Variants in DOCK5 observed in about 807,000 individuals in gnomAD.
DOCK5 encodes dedicator of cytokinesis protein 5.
Under a neutral mutation model 251.8 loss-of-function variants are expected in DOCK5, and 142 were observed. That is an observed-to-expected ratio of 0.56 (90% CI 0.49 to 0.65). DOCK5 has a LOEUF of 0.65. DOCK5 is among the 30% of genes least tolerant of loss of function. DOCK5 has a pLI of 0.00. For synonymous variants in DOCK5, 842 were observed against 835.5 expected (o/e 1.01, Z -0.13); for missense variants, 2,111 against 2,312.3 (o/e 0.91, Z 1.79).
chr8:25,408,727 C>T, intron 49 of DOCK5, 75 bp from the exon 50 acceptor site: 2 of 1,558,046 alleles, frequency 1.3e-6, no homozygotes, highest in Non-Finnish European at 1.8e-6. Flanking sequence ...TCTCAGAAGA[C>T]AAGGCTGTTG....
intron 51 of DOCK5, among the ~76,000 whole-genome samples, chr8:25,410,688 C>T (rs1415351644): frequency 8.1e-6 from 1 of 123,074 alleles, no homozygotes; most frequent in Non-Finnish European, 1.7e-5. Context: ...TCTCAAACTC[C>T]TGGCCTCAAG....
At chr8:25,242,905 T>C (rs538028244) in intron 1 of DOCK5, among the ~76,000 whole-genome samples, 91 of 152,332 alleles carry the variant, frequency 6.0e-4, no homozygotes, top group African/African-American at 1.2e-3. Context: ...TACTGTGCCA[T>C]GGAAGCCAGG....
At chr8:25,266,962 G>C (rs1054257833) in intron 2 of DOCK5, among the ~76,000 whole-genome samples, 1 of 152,168 alleles carries the variant, frequency 6.6e-6, no homozygotes, top group Non-Finnish European at 1.5e-5. Flanking sequence ...AATGAAGTTT[G>C]TATTGTGACA....
At position 25,299,113 on chromosome 8, in the gene DOCK5, C is replaced by T. The variant is rs374670678; in HGVS notation, c.764+12C>T. The T allele has an allele frequency of 2.5e-6, 4 of 1,611,812 alleles. No homozygotes were observed. The highest frequency in any genetic ancestry group is 3.4e-6 in the Non-Finnish European group (4 of 1,178,876). On this transcript the variant is annotated intron_variant, in intron 8 of 51. Coordinates refer to ENST00000276440, the MANE Select transcript of DOCK5 (RefSeq NM_024940.8). The stretch of plus-strand genomic sequence containing the variant: ...TCCACTTTTATCAGGTAGCAGAGAC[C>T]CACATCCCCTGCTGCTGACCTAACA...
intron 2 of DOCK5, among the ~76,000 whole-genome samples, chr8:25,247,064 T>A (rs1052018032): frequency 1.3e-5 from 2 of 151,966 alleles, no homozygotes; most frequent in Non-Finnish European, 2.9e-5. Context: ...TTTATTTATT[T>A]ATTTTAATGG....
chr8:25,378,305 G>C (rs1801000036), intron 38 of DOCK5, among the ~76,000 whole-genome samples: 1 of 152,110 alleles, frequency 6.6e-6, no homozygotes, highest in South Asian at 2.1e-4. Flanking sequence ...TATTATTTGA[G>C]AAATTCTAAG....
At chr8:25,344,569 G>C (rs1378085522) in intron 25 of DOCK5, among the ~76,000 whole-genome samples, 4 of 152,164 alleles carry the variant, frequency 2.6e-5, no homozygotes, top group African/African-American at 4.8e-5. Context: ...GTGGAAGGAA[G>C]GACTTGAGCT....
At chr8:25,242,995 A>T (rs886318036) in intron 1 of DOCK5, among the ~76,000 whole-genome samples, 1 of 152,224 alleles carries the variant, frequency 6.6e-6, no homozygotes, top group Non-Finnish European at 1.5e-5. Context: ...AAGGGCACTG[A>T]CTAACAAAAT....
intron 10 of DOCK5, 38 bp downstream of exon 10, chr8:25,302,492 A>G (rs1005969904): frequency 1.4e-6 from 2 of 1,479,006 alleles, no homozygotes; most frequent in Admixed American, 2.6e-5. Context: ...GAAATAGTGC[A>G]GTGCTGTGGA....
chr8:25,187,834 C>T (rs1237759161), intron 1 of DOCK5, among the ~76,000 whole-genome samples: 1 of 152,124 alleles, frequency 6.6e-6, no homozygotes, highest in African/African-American at 2.4e-5. Context: ...CAGGAGTGCC[C>T]TCCCAACTCT....
chr8:25,394,569 C>T (rs556534909), intron 44 of DOCK5, among the ~76,000 whole-genome samples: 1 of 152,028 alleles, frequency 6.6e-6, no homozygotes, highest in Non-Finnish European at 1.5e-5. Context: ...ATGGAGGAAG[C>T]ATCAAACGTT....
chr8:25,367,945 T>G (rs755431035), intron 31 of DOCK5, among the ~76,000 whole-genome samples: 1 of 152,016 alleles, frequency 6.6e-6, no homozygotes, highest in Admixed American at 6.6e-5. Flanking sequence ...CTGAAGTGAG[T>G]TTGTTAATCT....
At position 25,193,160 on chromosome 8, in the gene DOCK5, T is replaced by C. The variant is rs559092735; in HGVS notation, c.43+8209T>C. ...GAGTTAGTGAATACTGACCCGTTGCTCCTAGGGGAGAGGCAGGGTTCCTGT... is the reference window on the plus strand; with the variant it reads ...GAGTTAGTGAATACTGACCCGTTGCCCCTAGGGGAGAGGCAGGGTTCCTGT... On this transcript the variant is annotated intron_variant, in intron 1 of 51. Transcript: ENST00000276440. Among the ~76,000 whole-genome samples the C allele has an allele frequency of 3.3e-5, 5 of 152,298 alleles. 1 individual carries two copies. In the East Asian group the frequency reaches 9.7e-4, roughly 29 times the overall value.
chr8:25,313,014 C>T (rs1805143625), intron 13 of DOCK5, among the ~76,000 whole-genome samples: 1 of 152,112 alleles, frequency 6.6e-6, no homozygotes, highest in African/African-American at 2.4e-5. Context: ...TGAAGATCTC[C>T]TTGAAAATAC....
rs1171595940 is a variant in DOCK5 at position 25,380,402 on chromosome 8, T to C, written c.4026+8T>C. On this transcript the variant is annotated splice_region_variant and intron_variant, in intron 39 of 51. Coordinates refer to ENST00000276440, the MANE Select transcript of DOCK5 (RefSeq NM_024940.8). ...GGCCTTGGCAACCTCCTGGTGAGTC[T>C]GGGTCAAAATATGTTAGGCCTCTGA... 6.2e-7 allele frequency: 1 copy of C among 1,601,482 alleles called. No individual in the cohort carries two copies. The highest frequency in any genetic ancestry group is 1.7e-5 in the Admixed American group (1 of 58,504).
chr8:25,403,233 C>T (rs561907296), intron 47 of DOCK5, among the ~76,000 whole-genome samples: 2 of 152,230 alleles, frequency 1.3e-5, no homozygotes, highest in East Asian at 1.9e-4. Context: ...GGGAAGCAGA[C>T]GGAAGGTTTT....
intron 31 of DOCK5, among the ~76,000 whole-genome samples, chr8:25,367,582 C>T (rs1271639865): frequency 1.3e-5 from 2 of 152,148 alleles, no homozygotes; most frequent in African/African-American, 4.8e-5. Context: ...GGGATATCTG[C>T]GATATGTAGG....
intron 5 of DOCK5, among the ~76,000 whole-genome samples, chr8:25,290,185 A>C (rs1804450838): frequency 6.6e-6 from 1 of 152,134 alleles, no homozygotes; most frequent in Non-Finnish European, 1.5e-5. Context: ...CATTAACTTA[A>C]AAAAAATTAA....
At chr8:25,187,235 A>G (rs989733806) in intron 1 of DOCK5, among the ~76,000 whole-genome samples, 61 of 145,322 alleles carry the variant, frequency 4.2e-4, no homozygotes, top group African/African-American at 1.6e-3. Context: ...ATATACGTAT[A>G]TATATATATA....
Sources: allele counts gnomAD v4.1 joint callset (sites outside exome capture counted in the v4.1 genomes callset), GRCh38; gene constraint gnomAD v4.1.1; transcripts MANE v1.5; gene names NCBI Gene and HGNC (gene_info 2026-07-23, HGNC 2026-07-21).